KATNIP: variants seen among roughly 807,000 people sequenced by gnomAD.
KATNIP encodes katanin interacting protein, also known as katanin-interacting protein.
KATNIP carries 126 observed loss-of-function variants against 174.0 expected under a neutral mutation model. The observed-to-expected ratio is 0.72, with a 90% CI of 0.63 to 0.84. The LOEUF is 0.84. KATNIP is among the 40% of genes least tolerant of loss of function. The probability of loss-of-function intolerance (pLI) is 0.00; values close to 1 mark genes in which losing one functional copy is unlikely to be tolerated. For synonymous variants in KATNIP, 810 were observed against 835.7 expected, an observed-to-expected ratio of 0.97 and a Z score of 0.53; for missense variants, 1,958 against 2,109.7, an observed-to-expected ratio of 0.93 and a Z score of 1.41.
In KATNIP at chr16:27,740,913, CA is replaced by C; in HGVS notation, c.2617del (p.Ser873AlafsTer124). 6.3e-7 allele frequency: 1 copy of C among 1,592,204 alleles called. No individual in the cohort carries two copies. The highest frequency in any genetic ancestry group is 8.5e-7 in the Non-Finnish European group (1 of 1,169,832). ...SSSHGDDQPASREDTWSSRTP... is the reference protein window; with the variant it reads ...SSSHGDDQPAXREDTWSSRTP... ...GTAGTCATGGGGACGACCAGCCAGC[CA>C]GCAGAGGTAAGCTCCAAAGAGCAGC... On this transcript the variant is annotated frameshift_variant, in exon 15 of 28. Coordinates refer to ENST00000261588, the MANE Select transcript of KATNIP (RefSeq NM_015202.5). LOFTEE classifies it high-confidence loss of function.
intron 13 of KATNIP, among the ~76,000 whole-genome samples, chr16:27,714,530 G>T (rs2143008852): frequency 6.6e-6 from 1 of 152,062 alleles, no homozygotes; most frequent in East Asian, 1.9e-4. Flanking sequence ...ATCAAAAGTT[G>T]GTTCTTTGAG....
intron 21 of KATNIP, among the ~76,000 whole-genome samples, chr16:27,770,365 T>C (rs760310019): frequency 6.6e-6 from 1 of 152,222 alleles, no homozygotes; most frequent in Non-Finnish European, 1.5e-5. Context: ...GTGTTCCTGA[T>C]TTAGAAAGAT....
chr16:27,569,768 A>C (rs8050273), intron 1 of KATNIP, among the ~76,000 whole-genome samples: 124,002 of 152,128 alleles, frequency 0.82, 50,973 homozygotes, highest in East Asian at 1. Flanking sequence ...TCTTCTAGGG[A>C]GTTTAGATAA....
intron 6 of KATNIP, among the ~76,000 whole-genome samples, chr16:27,661,937 T>TACACACAC (rs1374952775): frequency 3.1e-5 from 2 of 63,916 alleles, no homozygotes; most frequent in African/African-American, 1.4e-4. Context: ...TATATATATA[T>TACACACAC]ATATATATAT....
intron 12 of KATNIP, among the ~76,000 whole-genome samples, chr16:27,705,125 G>C (rs889088412): frequency 6.6e-6 from 1 of 151,960 alleles, no homozygotes; most frequent in Non-Finnish European, 1.5e-5. Context: ...TGGCCAGGCT[G>C]GTCTCTAATT....
Position 27,733,219 on chromosome 16 carries a change from C to T in KATNIP, c.1744-6822C>T, listed in dbSNP as rs186915529. Among the ~76,000 whole-genome samples, 3 of 152,284 alleles carry T rather than the reference C, an allele frequency of 2.0e-5. No individual in the cohort carries two copies. The East Asian group carries it at 5.8e-4, about 29-fold the overall frequency. On this transcript the variant is annotated intron_variant, in intron 14 of 27. Coordinates refer to ENST00000261588, the MANE Select transcript of KATNIP (RefSeq NM_015202.5). ...CGTGCCGCCATGAATCTTTGTTGGG[C>T]AGTTGTGTGTTCATTGCAAGAGACC...
chr16:27,673,145 A>G (rs1241727287), intron 6 of KATNIP, among the ~76,000 whole-genome samples: 2 of 152,200 alleles, frequency 1.3e-5, no homozygotes, highest in Admixed American at 6.5e-5. Flanking sequence ...GGCCAAGCAT[A>G]AGAGCCAATA....
chr16:27,609,696 T>A (rs2075830199), intron 2 of KATNIP, among the ~76,000 whole-genome samples: 1 of 110,934 alleles, frequency 9.0e-6, no homozygotes, highest in Non-Finnish European at 1.9e-5. Flanking sequence ...TGCCAAGTCA[T>A]TTTTTTTTTT....
intron 6 of KATNIP, among the ~76,000 whole-genome samples, chr16:27,673,075 C>G (rs1028702125): frequency 2.6e-5 from 4 of 152,142 alleles, no homozygotes; most frequent in African/African-American, 7.2e-5. Flanking sequence ...TCTCACCCAG[C>G]CTTTCCCCCA....
Position 27,628,735 on chromosome 16 carries a change from A to C in KATNIP, c.215A>C (p.Tyr72Ser), listed in dbSNP as rs766133134. The change falls in exon 4 of 28, where the codon TAT (tyrosine) becomes TCT (serine). Residue 72 changes from tyrosine to serine, a missense_variant. Physicochemically the swap from Tyr to Ser is moderately radical, Grantham distance 144. Coordinates refer to ENST00000261588, the MANE Select transcript of KATNIP (RefSeq NM_015202.5). The part of the protein sequence containing the change: ...LEHLEQGFSV[Y>S]VNGANSELKS... ...CACTTGGAGCAAGGTTTCTCTGTCT[A>C]TGTCAACGGTGCCAATTCGGAGCTG... The C allele has an allele frequency of 6.2e-7, 1 of 1,614,228 alleles. No homozygotes were observed. Among genetic ancestry groups the C allele is most frequent in the Admixed American group, 1.7e-5 (1 of 60,034 alleles).
At chr16:27,587,169 A>G (rs2090935258) in intron 2 of KATNIP, among the ~76,000 whole-genome samples, 1 of 152,212 alleles carries the variant, frequency 6.6e-6, no homozygotes. Context: ...CTGAAAATAG[A>G]GTACCTCCTC....
intron 20 of KATNIP, 125 bp downstream of exon 20, chr16:27,766,599 G>A (rs933514840): frequency 7.3e-5 from 70 of 959,446 alleles, no homozygotes; most frequent in East Asian, 2.3e-4. Context: ...AGCTGGGGGC[G>A]TTATGTCCAG....
chr16:27,657,395 G>A (rs940974194), intron 6 of KATNIP, among the ~76,000 whole-genome samples: 3 of 151,974 alleles, frequency 2.0e-5, no homozygotes, highest in Non-Finnish European at 4.4e-5. Flanking sequence ...AAGAGGAGAG[G>A]AGCTGCTCCA....
chr16:27,766,272 G>A, intron 19 of KATNIP, 37 bp from the exon 20 acceptor site: 1 of 1,607,478 alleles, frequency 6.2e-7, no homozygotes, highest in Non-Finnish European at 8.5e-7. Flanking sequence ...TGTGCCCACT[G>A]AGCCGCCCCC....
chr16:27,611,169 T>A (rs1466371791), intron 2 of KATNIP, among the ~76,000 whole-genome samples: 5 of 152,190 alleles, frequency 3.3e-5, no homozygotes, highest in Non-Finnish European at 5.9e-5. Context: ...TCTCAGCTAT[T>A]CGGGATTTAC....
intron 19 of KATNIP, among the ~76,000 whole-genome samples, chr16:27,761,881 A>G (rs2081967305): frequency 6.6e-6 from 1 of 152,166 alleles, no homozygotes; most frequent in Non-Finnish European, 1.5e-5. Flanking sequence ...CTCTGTGCTT[A>G]GCAGAGCGTC....
chr16:27,665,049 A>ACTGGAAAT (rs770262104), intron 6 of KATNIP, among the ~76,000 whole-genome samples: 27 of 151,838 alleles, frequency 1.8e-4, no homozygotes, highest in Admixed American at 7.2e-4. Context: ...TTTCTTTAGC[A>ACTGGAAAT]CTGGAAATTT....
rs377371390 is a variant in KATNIP at position 27,778,594 on chromosome 16, A to G, written c.4822A>G (p.Ile1608Val). ...GACAGCCTTACGTCCCAAAACCTGCATCAGCGAGAAGGAGACGAGACGACG... is the reference window on the plus strand; with the variant it reads ...GACAGCCTTACGTCCCAAAACCTGCGTCAGCGAGAAGGAGACGAGACGACG... ...VDPALRPKTCISEKETRRRRC is the reference protein window; with the variant it reads ...VDPALRPKTCVSEKETRRRRC Residue 1608 changes from isoleucine (I) to valine (V), a missense_variant, in exon 28 of 28, where the codon ATC becomes GTC. Transcript: ENST00000261588. 13 of 1,613,712 alleles carry G rather than the reference A, an allele frequency of 8.1e-6. No individual in the cohort carries two copies. The highest frequency in any genetic ancestry group is 2.7e-5 in the African/African-American group (2 of 74,924).
chr16:27,749,888 C>G lies in KATNIP; in HGVS notation c.2928C>G (p.Arg976=). 1 of 1,614,216 alleles carries G rather than the reference C, an allele frequency of 6.2e-7. No homozygotes were observed. The highest frequency in any genetic ancestry group is 8.5e-7 in the Non-Finnish European group (1 of 1,180,040). Residue 976 remains arginine (R), a synonymous_variant, in exon 16 of 28, where the codon CGC becomes CGG. Coordinates refer to ENST00000261588, the MANE Select transcript of KATNIP (RefSeq NM_015202.5). ...FKIPVLPYGQ[R]LVIDIKSTWG... is the part of the protein sequence containing the mutation. ...TCCCCGTCTTGCCTTATGGACAGCG[C>G]TTGGTCATTGACATCAAGTCTACCT...
Sources: gnomAD v4.1 joint callset for allele counts (sites outside exome capture counted in the v4.1 genomes callset) on GRCh38, gnomAD v4.1.1 for gene constraint, MANE v1.5 for transcripts, NCBI Gene and HGNC (gene_info 2026-07-23, HGNC 2026-07-21) for gene names.